The following LRP11 variants were observed in gnomAD, a reference collection of about 807,000 sequenced individuals.
The protein encoded by LRP11 is LDL receptor related protein 11.
A neutral mutation model predicts 43.1 loss-of-function variants in LRP11; 25 were observed. The ratio of observed to expected loss-of-function variants is 0.58; its 90% confidence interval spans 0.42 to 0.81. LRP11 has a LOEUF of 0.81. Ranked by LOEUF, LRP11 falls within the 30% of genes least tolerant of loss-of-function variation. LRP11 has a pLI of 0.00. For missense variants in LRP11, 623 were observed against 665.1 expected, an observed-to-expected ratio of 0.94 and a Z score of 0.70; for synonymous variants, 316 against 299.4, an observed-to-expected ratio of 1.06 and a Z score of -0.57.
chr6:149,852,683 T>C (rs532468508), intron 2 of LRP11: 9 of 222,952 alleles, frequency 4.0e-5, no homozygotes, highest in African/African-American at 9.0e-5. Context: ...GAAAAAGAAA[T>C]AGAACTTTAA....
intron 1 of LRP11, 155 bp from the exon 2 acceptor site, chr6:149,853,315 G>T: frequency 1.5e-6 from 1 of 666,776 alleles, no homozygotes; most frequent in Non-Finnish European, 2.3e-6. Flanking sequence ...TTTTATGATC[G>T]TGGAATTTAG....
At chr6:149,859,018 T>G (rs989162823) in intron 1 of LRP11, among the ~76,000 whole-genome samples, 2 of 152,070 alleles carry the variant, frequency 1.3e-5, no homozygotes, top group African/African-American at 4.8e-5. Context: ...CATGTCAATA[T>G]GAGTAAAACA....
rs551598524 is a variant in LRP11 at position 149,844,125 on chromosome 6, C to T, written c.772-1001G>A. Among the ~76,000 whole-genome samples, 14 of 151,910 alleles carry T rather than the reference C, an allele frequency of 9.2e-5. No individual in the cohort carries two copies. The South Asian group carries it at 1.5e-3, about 16-fold the overall frequency. ...AAAATCAGCTGGGCATGGTGGCGTG[C>T]GCCTGTAGTCCCAGGTACTCGGGAG... On this transcript the variant is annotated intron_variant, in intron 2 of 6. Coordinates refer to ENST00000239367, the MANE Select transcript of LRP11 (RefSeq NM_032832.6).
At chr6:149,829,452 T>C (rs1196406515) in intron 5 of LRP11, among the ~76,000 whole-genome samples, 1 of 151,948 alleles carries the variant, frequency 6.6e-6, no homozygotes, top group Non-Finnish European at 1.5e-5. Flanking sequence ...TCTCAGCTAC[T>C]TGGGAGGCTG....
At chr6:149,856,769 A>C (rs979863642) in intron 1 of LRP11, among the ~76,000 whole-genome samples, 1 of 152,178 alleles carries the variant, frequency 6.6e-6, no homozygotes, top group African/African-American at 2.4e-5. Context: ...CCTCATTCAC[A>C]ACACGCTACT....
At chr6:149,834,111 C>T (rs7745915) in intron 5 of LRP11, among the ~76,000 whole-genome samples, 81,845 of 151,958 alleles carry the variant, frequency 0.54, 25,399 homozygotes, top group East Asian at 0.83. Flanking sequence ...CCATTTCTAA[C>T]GTGAGGACAT....
intron 1 of LRP11, among the ~76,000 whole-genome samples, chr6:149,859,396 A>ATATATATTTTTTTTTT: frequency 9.8e-5 from 7 of 71,494 alleles, no homozygotes; most frequent in African/African-American, 5.7e-4. Context: ...ATATATATAT[A>ATATATATTTTTTTTTT]TTTTTTTTTT....
At chr6:149,854,569 A>C (rs1382805562) in intron 1 of LRP11, among the ~76,000 whole-genome samples, 2 of 152,272 alleles carry the variant, frequency 1.3e-5, no homozygotes, top group Non-Finnish European at 2.9e-5. Flanking sequence ...TAATTGATGT[A>C]AGCTTCTTAG....
At chr6:149,861,881 C>A (rs994762981) in intron 1 of LRP11, among the ~76,000 whole-genome samples, 40 of 152,250 alleles carry the variant, frequency 2.6e-4, no homozygotes, top group African/African-American at 9.4e-4. Flanking sequence ...TGTTTATTTT[C>A]CTTTTCAAAG....
intron 1 of LRP11, among the ~76,000 whole-genome samples, chr6:149,862,762 T>C (rs1776939129): frequency 1.3e-5 from 2 of 152,132 alleles, no homozygotes; most frequent in South Asian, 4.1e-4. Flanking sequence ...GTATTTTTAG[T>C]AGAGATGGGG....
intron 1 of LRP11, among the ~76,000 whole-genome samples, chr6:149,861,688 G>GT (rs1297832835): frequency 6.6e-6 from 1 of 151,984 alleles, no homozygotes; most frequent in Non-Finnish European, 1.5e-5. Context: ...TAATTTTTGT[G>GT]TTTATTTCTT....
intron 3 of LRP11, chr6:149,842,714 T>C (rs1335591096): frequency 6.5e-7 from 1 of 1,544,956 alleles, no homozygotes; most frequent in Non-Finnish European, 8.8e-7. Flanking sequence ...GCCAAGCAAT[T>C]GTCTTTGATG....
chr6:149,843,112 C>T lies in LRP11; in HGVS notation c.784G>A (p.Gly262Arg). The T allele has an allele frequency of 6.2e-7, 1 of 1,614,156 alleles. No individual in the cohort carries two copies. The highest frequency in any genetic ancestry group is 8.5e-7 in the Non-Finnish European group (1 of 1,180,018). The change falls in exon 3 of 7, where the codon GGA becomes AGA. Residue 262 changes from glycine to arginine, a missense_variant. Coordinates refer to ENST00000239367, the MANE Select transcript of LRP11 (RefSeq NM_032832.6). ...TGTAGGTGGGACAGCTTCAGGGTTC[C>T]TGATTGAGGCACCTGCCACACAGAT... ...PSVDMKVPQSGTLKLSHLQEG... is the reference protein window; with the variant it reads ...PSVDMKVPQSRTLKLSHLQEG...
At chr6:149,821,139 C>T (rs1367789113) in intron 6 of LRP11, among the ~76,000 whole-genome samples, 1 of 152,080 alleles carries the variant, frequency 6.6e-6, no homozygotes, top group African/African-American at 2.4e-5. Context: ...ACATCTTGGC[C>T]AGGCTGGTCT....
chr6:149,832,734 C>T (rs534219123), intron 5 of LRP11, among the ~76,000 whole-genome samples: 1 of 152,116 alleles, frequency 6.6e-6, no homozygotes, highest in South Asian at 2.1e-4. Context: ...CATTCTCCTG[C>T]CTCAGCCTCC....
intron 1 of LRP11, among the ~76,000 whole-genome samples, chr6:149,858,321 GT>G (rs1776833967): frequency 1.3e-5 from 2 of 152,288 alleles, no homozygotes; most frequent in South Asian, 2.1e-4. Flanking sequence ...CCTTGTGATA[GT>G]TTGCTGAGAA....
chr6:149,822,526 A>T (rs1776289787), intron 6 of LRP11, among the ~76,000 whole-genome samples: 1 of 151,494 alleles, frequency 6.6e-6, no homozygotes, highest in African/African-American at 2.4e-5. Flanking sequence ...AAAAGACTGA[A>T]GTGACTTGTC....
At chr6:149,836,561 C>T (rs1156275760) in intron 4 of LRP11, among the ~76,000 whole-genome samples, 10 of 152,140 alleles carry the variant, frequency 6.6e-5, no homozygotes. Flanking sequence ...GCCTGTAATC[C>T]TAGCACCTTG....
intron 3 of LRP11, among the ~76,000 whole-genome samples, chr6:149,839,429 TG>T (rs945572553): frequency 3.3e-5 from 5 of 151,754 alleles, no homozygotes; most frequent in African/African-American, 9.7e-5. Flanking sequence ...GGAGCGGAGG[TG>T]GGGGACACGC....
Sources: gnomAD v4.1 joint callset for allele counts (sites outside exome capture counted in the v4.1 genomes callset) on GRCh38, gnomAD v4.1.1 for gene constraint, MANE v1.5 for transcripts, NCBI Gene and HGNC (gene_info 2026-07-23, HGNC 2026-07-21) for gene names.